SETX: variants seen among roughly 807,000 people sequenced by gnomAD.
The protein encoded by SETX is helicase senataxin.
Under a neutral mutation model 227.2 loss-of-function variants are expected in SETX, and 90 were observed. That is an observed-to-expected ratio of 0.40 (90% CI 0.33 to 0.47). The LOEUF (loss-of-function observed/expected upper bound fraction) is 0.47, where lower values mean the gene tolerates loss of function less well. Among genes scored for constraint, SETX ranks in the 20% least tolerant of loss-of-function variants. SETX has a pLI of 0.91. For synonymous variants in SETX, 1,210 were observed against 1,113.2 expected, an observed-to-expected ratio of 1.09 and a Z score of -1.73; for missense variants, 3,052 against 3,181.5, an observed-to-expected ratio of 0.96 and a Z score of 0.98.
intron 7 of SETX, among the ~76,000 whole-genome samples, chr9:132,332,405 G>A (rs1296255164): frequency 6.6e-6 from 1 of 152,200 alleles, no homozygotes; most frequent in Non-Finnish European, 1.5e-5. Flanking sequence ...TCTGAGGCAA[G>A]TGCTTGAATT....
intron 23 of SETX, among the ~76,000 whole-genome samples, chr9:132,273,007 A>AAG (rs1842972173): frequency 6.6e-6 from 1 of 152,146 alleles, no homozygotes; most frequent in South Asian, 2.1e-4. Context: ...GCACTTTGGG[A>AAG]AGACTGTGTG....
rs753961118 is a variant in SETX at position 132,331,169 on chromosome 9, T to C, written c.1011-30A>G. On this transcript the variant is annotated intron_variant, in intron 8 of 25. Transcript: ENST00000224140. ...AATATTAAGAATAAATAGAAATTAC[T>C]GAAACGAAGGGGGAAAAAAAGGAAG... 5 of 1,608,716 alleles carry C rather than the reference T, an allele frequency of 3.1e-6. No individual in the cohort carries two copies. In the Admixed American group the frequency reaches 8.3e-5, roughly 27 times the overall value.
At chr9:132,340,536 C>T (rs1020849471) in intron 5 of SETX, among the ~76,000 whole-genome samples, 2 of 99,716 alleles carry the variant, frequency 2.0e-5, no homozygotes, top group South Asian at 2.8e-4. Context: ...AAAATCCAAG[C>T]CAGAAAAACG....
At chr9:132,278,890 A>G (rs977766405) in intron 20 of SETX, among the ~76,000 whole-genome samples, 3 of 152,214 alleles carry the variant, frequency 2.0e-5, no homozygotes, top group Admixed American at 1.3e-4. Context: ...CTAAGCATCT[A>G]TAATTTGAAG....
intron 21 of SETX, among the ~76,000 whole-genome samples, chr9:132,277,576 C>T (rs1843230554): frequency 6.6e-6 from 1 of 151,978 alleles, no homozygotes; most frequent in Non-Finnish European, 1.5e-5. Flanking sequence ...CTCAGGAGTT[C>T]GAAAGCAGCC....
chr9:132,298,164 C>T lies in SETX; in HGVS notation c.5697G>A (p.Arg1899=), dbSNP rs765849036. ...TCAGAACAGCTCTAGCCAGTTGGTT[C>T]CGACTACCCAACAGAGACATGGCTT... ...KLKAMSLLGS[R]NQLARAVLNP... Residue 1899 remains arginine, a synonymous_variant, in exon 13 of 26, where the codon CGG becomes CGA. Transcript: ENST00000224140. 13 of 1,613,926 alleles carry T rather than the reference C, an allele frequency of 8.1e-6. No homozygotes were observed. Among genetic ancestry groups the T allele is most frequent in the Non-Finnish European group, 1.1e-5 (13 of 1,180,000 alleles).
chr9:132,315,158 C>G (rs1346511721), intron 10 of SETX, among the ~76,000 whole-genome samples: 1 of 152,140 alleles, frequency 6.6e-6, no homozygotes, highest in Admixed American at 6.5e-5. Flanking sequence ...AAGTGATGAT[C>G]CGCCTACTGT....
At position 132,328,339 on chromosome 9, in the gene SETX, A is replaced by T. The variant is rs776311363; in HGVS notation, c.3259T>A (p.Ser1087Thr). ...TCTTGCCAAACTGAAAACACTTCAG[A>T]TGAACTTTCAAACTCAAAACACTGA... ...DSQCFEFESS[S>T]EVFSVWQDHP... Residue 1087 changes from serine (S) to threonine (T), a missense_variant, in exon 10 of 26, where the codon TCT becomes ACT. Ser to Thr is a moderately conservative substitution (Grantham distance 58, BLOSUM62 1). This residue lies in a region of SETX where 1,483 missense variants were observed against 1,312.0 expected (regional missense o/e 1.13). Coordinates refer to ENST00000224140, the MANE Select transcript of SETX (RefSeq NM_015046.7). 1.2e-6 allele frequency: 2 copies of T among 1,614,096 alleles called. No individual in the cohort carries two copies. The highest frequency in any genetic ancestry group is 4.5e-5 in the East Asian group (2 of 44,882).
intron 10 of SETX, among the ~76,000 whole-genome samples, chr9:132,317,748 C>A (rs2131380502): frequency 6.6e-6 from 1 of 152,250 alleles, no homozygotes; most frequent in Middle Eastern, 3.4e-3. Context: ...CAGGCATGAG[C>A]CACTGTACCT....
intron 8 of SETX, 42 bp from the exon 9 acceptor site, chr9:132,331,181 G>A (rs1408841077): frequency 6.2e-7 from 1 of 1,605,394 alleles, no homozygotes; most frequent in Non-Finnish European, 8.5e-7. Context: ...AAACGAAGGG[G>A]GAAAAAAAGG....
chr9:132,288,949 C>T (rs1395903400), intron 15 of SETX, among the ~76,000 whole-genome samples: 1 of 152,128 alleles, frequency 6.6e-6, no homozygotes, highest in Non-Finnish European at 1.5e-5. Context: ...CATTTTCAAA[C>T]TATGTTCAGT....
chr9:132,337,365 A>G (rs1847690307), intron 5 of SETX, among the ~76,000 whole-genome samples: 2 of 151,960 alleles, frequency 1.3e-5, no homozygotes, highest in South Asian at 4.1e-4. Flanking sequence ...TCTAAATGGC[A>G]GAATAGCATA....
chr9:132,282,308 T>TTC (rs1319988069), intron 19 of SETX, among the ~76,000 whole-genome samples: 3 of 151,086 alleles, frequency 2.0e-5, no homozygotes, highest in African/African-American at 7.3e-5. Flanking sequence ...TATTTTTTTT[T>TTC]TTTTTGAGAG....
rs1844949625 is a variant in SETX at position 132,300,798 on chromosome 9, G to C, written c.5380C>G (p.Leu1794Val). Residue 1794 changes from leucine (L) to valine (V), a missense_variant, in exon 12 of 26, where the codon CTG becomes GTG. Around this residue, in one of 10 missense-constraint regions of SETX, gnomAD observed 239 missense variants for 272.1 expected, o/e 0.88. Transcript: ENST00000224140. ...TGTTTAGCCAGTTCACATTCTTCCA[G>C]ATAAACTATGAAACAAGAAGAAGTC... ...YIKYWEFAVY[L>V]EECELAKQLY... The C allele has an allele frequency of 6.2e-7, 1 of 1,612,258 alleles. No individual in the cohort carries two copies. Among genetic ancestry groups the C allele is most frequent in the Middle Eastern group, 1.7e-4 (1 of 6,014 alleles).
At chr9:132,340,331 A>G (rs2033395652) in intron 5 of SETX, among the ~76,000 whole-genome samples, 1 of 152,194 alleles carries the variant, frequency 6.6e-6, no homozygotes, top group African/African-American at 2.4e-5. Flanking sequence ...GTTTACTATA[A>G]TAATTTTAAA....
intron 22 of SETX, among the ~76,000 whole-genome samples, chr9:132,276,362 T>G (rs1843161215): frequency 6.6e-6 from 1 of 152,158 alleles, no homozygotes; most frequent in African/African-American, 2.4e-5. Flanking sequence ...GTGTAACCTC[T>G]TCAATGAGTG....
At chr9:132,308,926 G>A (rs1426795793) in intron 11 of SETX, among the ~76,000 whole-genome samples, 1 of 152,086 alleles carries the variant, frequency 6.6e-6, no homozygotes, top group Non-Finnish European at 1.5e-5. Flanking sequence ...ATAACTTGAG[G>A]CCAGGAGCTT....
intron 3 of SETX, among the ~76,000 whole-genome samples, chr9:132,346,791 A>C (rs528001419): frequency 1.3e-5 from 2 of 151,616 alleles, no homozygotes; most frequent in Admixed American, 1.3e-4. Flanking sequence ...GTCACTAAAA[A>C]AAAAAAAAAT....
At chr9:132,287,314 T>C (rs76276666) in intron 17 of SETX, among the ~76,000 whole-genome samples, 8,546 of 151,980 alleles carry the variant, frequency 0.056, 371 homozygotes, top group East Asian at 0.25. Flanking sequence ...CAAGACCCAG[T>C]TTCTACAGAA....
Sources: allele counts gnomAD v4.1 joint callset (sites outside exome capture counted in the v4.1 genomes callset), GRCh38; gene constraint gnomAD v4.1.1; regional missense constraint gnomAD v4.1.1; transcripts MANE v1.5; gene names NCBI Gene and HGNC (gene_info 2026-07-23, HGNC 2026-07-21).